The following R3HDM1 variants were observed in gnomAD, a reference collection of about 807,000 sequenced individuals.
R3HDM1 encodes the protein R3H domain-containing protein 1.
In R3HDM1, 46 loss-of-function variants were observed where a neutral mutation model predicts 141.1. The ratio of observed to expected loss-of-function variants is 0.33; its 90% CI spans 0.26 to 0.42. The LOEUF (loss-of-function observed/expected upper bound fraction) is 0.42, where lower values mean the gene tolerates loss of function less well. R3HDM1 is among the 10% of genes least tolerant of loss of function. The pLI is 1.00. For missense variants in R3HDM1, 1,184 were observed against 1,368.3 expected (o/e 0.87, Z 2.12); for synonymous variants, 435 against 472.9 (o/e 0.92, Z 1.04).
chr2:135,564,032 T>C (rs1199015594), intron 1 of R3HDM1, among the ~76,000 whole-genome samples: 1 of 152,072 alleles, frequency 6.6e-6, no homozygotes, highest in Non-Finnish European at 1.5e-5. Context: ...GAGCAAAAAC[T>C]CATTCATCAT....
intron 21 of R3HDM1, among the ~76,000 whole-genome samples, chr2:135,699,873 T>A (rs1315249988): frequency 6.6e-6 from 1 of 152,112 alleles, no homozygotes; most frequent in Non-Finnish European, 1.5e-5. Flanking sequence ...CATGGGAAAA[T>A]GTTGTCTTAC....
At position 135,616,756 on chromosome 2, in the gene R3HDM1, A is replaced by G; in HGVS notation, c.302A>G (p.Gln101Arg). The change falls in exon 5 of 27, where the codon CAG (glutamine) becomes CGG (arginine). Residue 101 changes from glutamine to arginine, a missense_variant and splice_region_variant. This residue lies in a region of R3HDM1 where 192 missense variants were observed against 215.7 expected (regional missense o/e 0.89). Transcript: ENST00000683871. ...PPAPEISQEN[Q>R]EKIQIQLTQS... ...GCACCAGAGATATCACAGGAGAACC[A>G]GGTAAAAAAGCAAAACAAATGTTAT... 1 of 1,589,396 alleles carries G rather than the reference A, an allele frequency of 6.3e-7. No individual in the cohort carries two copies. The highest frequency in any genetic ancestry group is 8.6e-7 in the Non-Finnish European group (1 of 1,160,782).
chr2:135,686,742 G>GA (rs892133311), intron 21 of R3HDM1, among the ~76,000 whole-genome samples: 5 of 151,422 alleles, frequency 3.3e-5, no homozygotes, highest in African/African-American at 1.2e-4. Flanking sequence ...CTCTCTGAAA[G>GA]AAAAAAAGGT....
chr2:135,620,259 T>C (rs967730178), intron 5 of R3HDM1: 1 of 938,046 alleles, frequency 1.1e-6, no homozygotes, highest in African/African-American at 1.8e-5. Flanking sequence ...TAGTTACAAG[T>C]CAAGAAAACT....
intron 1 of R3HDM1, among the ~76,000 whole-genome samples, chr2:135,535,211 A>G (rs1472770211): frequency 6.6e-6 from 1 of 152,140 alleles, no homozygotes; most frequent in Non-Finnish European, 1.5e-5. Context: ...AAGATAACTA[A>G]AATGAAGGGC....
At position 135,680,399 on chromosome 2, in the gene R3HDM1, A is replaced by T. The variant is rs2105353872; in HGVS notation, c.2459+75A>T. On this transcript the variant is annotated intron_variant, in intron 21 of 26. Coordinates refer to ENST00000683871, the MANE Select transcript of R3HDM1 (RefSeq NM_001378107.1). ...GATTATGGTCTGTTGCTAGTTTTAA[A>T]GTTGACTAAGGGGCATTACTTGAGA... 6.0e-6 allele frequency: 9 copies of T among 1,505,906 alleles called. No individual in the cohort carries two copies. The South Asian group carries it at 8.3e-5, about 14-fold the overall frequency. 93.3% of individuals were successfully genotyped at this position (1,505,906 alleles called of 1,614,324 possible).
At chr2:135,700,988 A>G (rs541471126) in intron 21 of R3HDM1, among the ~76,000 whole-genome samples, 3 of 152,276 alleles carry the variant, frequency 2.0e-5, no homozygotes, top group East Asian at 3.9e-4. Flanking sequence ...CCTCCGATAA[A>G]GTTTTAATTT....
chr2:135,635,367 T>C (rs1405551478), intron 9 of R3HDM1, among the ~76,000 whole-genome samples: 1 of 152,190 alleles, frequency 6.6e-6, no homozygotes, highest in African/African-American at 2.4e-5. Flanking sequence ...TGACCTGAGC[T>C]CCAACTATGG....
chr2:135,631,677 T>C (rs2062731870), intron 7 of R3HDM1, 41 bp from the exon 8 acceptor site: 1 of 1,477,322 alleles, frequency 6.8e-7, no homozygotes, highest in Non-Finnish European at 9.1e-7. Flanking sequence ...ATTACTTCAT[T>C]GCTAAGTTTT....
At chr2:135,642,697 G>C (rs1173324175) in intron 15 of R3HDM1, among the ~76,000 whole-genome samples, 1 of 152,136 alleles carries the variant, frequency 6.6e-6, no homozygotes, top group Non-Finnish European at 1.5e-5. Context: ...TAGTTTACAG[G>C]CAGATACGGG....
At chr2:135,641,067 A>G (rs2063740082) in intron 14 of R3HDM1, among the ~76,000 whole-genome samples, 2 of 152,242 alleles carry the variant, frequency 1.3e-5, no homozygotes, top group Admixed American at 1.3e-4. Context: ...TTGTCTTAAT[A>G]CAGAATTTAT....
At chr2:135,607,480 AT>A (rs2060176140) in intron 3 of R3HDM1, among the ~76,000 whole-genome samples, 1 of 152,174 alleles carries the variant, frequency 6.6e-6, no homozygotes, top group African/African-American at 2.4e-5. Flanking sequence ...TTTCCCAGTC[AT>A]TTTTACTAAT....
At chr2:135,586,067 T>G (rs949055090) in intron 1 of R3HDM1, among the ~76,000 whole-genome samples, 4 of 152,250 alleles carry the variant, frequency 2.6e-5, no homozygotes, top group African/African-American at 9.6e-5. Flanking sequence ...CTTTAAGGAA[T>G]TATAGAAAAA....
At chr2:135,619,682 GA>G in intron 5 of R3HDM1, 1 of 905,346 alleles carries the variant, frequency 1.1e-6, no homozygotes, top group South Asian at 5.1e-5. Context: ...TATTTCTCAT[GA>G]AAGGTACTAG....
chr2:135,610,366 G>A (rs2060428507), intron 3 of R3HDM1, among the ~76,000 whole-genome samples: 1 of 152,218 alleles, frequency 6.6e-6, no homozygotes. Flanking sequence ...TAAGAGAGCT[G>A]ATTTCTGTTA....
At chr2:135,612,409 G>C (rs1238837652) in intron 3 of R3HDM1, among the ~76,000 whole-genome samples, 3 of 152,032 alleles carry the variant, frequency 2.0e-5, no homozygotes, top group African/African-American at 7.2e-5. Flanking sequence ...TTAAATGTCA[G>C]ATTTTCTTAG....
chr2:135,570,707 C>T (rs1017782777), intron 1 of R3HDM1, among the ~76,000 whole-genome samples: 2 of 152,182 alleles, frequency 1.3e-5, no homozygotes, highest in Non-Finnish European at 2.9e-5. Flanking sequence ...TCACAGACTT[C>T]GTTGTAGAGA....
intron 3 of R3HDM1, chr2:135,607,723 C>A: frequency 2.5e-6 from 1 of 397,480 alleles, no homozygotes; most frequent in Non-Finnish European, 3.4e-6. Context: ...CCTACCATGT[C>A]TATTGTGTTG....
chr2:135,676,104 T>C (rs1559407821), intron 20 of R3HDM1, among the ~76,000 whole-genome samples: 1 of 152,192 alleles, frequency 6.6e-6, no homozygotes, highest in Admixed American at 6.5e-5. Context: ...GGCAGGCAGA[T>C]TACTTGAGAT....
Sources: allele counts gnomAD v4.1 joint callset (sites outside exome capture counted in the v4.1 genomes callset), GRCh38; gene constraint gnomAD v4.1.1; regional missense constraint gnomAD v4.1.1; transcripts MANE v1.5; gene names NCBI Gene and HGNC (gene_info 2026-07-23, HGNC 2026-07-21).